The following PRKG1 variants were observed in gnomAD, a reference collection of about 807,000 sequenced individuals.
The protein encoded by PRKG1 is cGMP-dependent protein kinase 1.
A neutral mutation model predicts 88.1 loss-of-function variants in PRKG1; 35 were observed. The observed-to-expected ratio is 0.40, with a 90% CI of 0.30 to 0.53. The LOEUF is 0.53. PRKG1 is among the 20% of genes least tolerant of loss of function. The pLI is 0.59. For synonymous variants in PRKG1, 303 were observed against 292.5 expected, an observed-to-expected ratio of 1.04 and a Z score of -0.37; for missense variants, 540 against 839.8, an observed-to-expected ratio of 0.64 and a Z score of 4.41.
intron 3 of PRKG1, among the ~76,000 whole-genome samples, chr10:51,538,599 A>G (rs1842222957): frequency 6.6e-6 from 1 of 151,188 alleles, no homozygotes; most frequent in Admixed American, 6.6e-5. Flanking sequence ...AATGTCTGAA[A>G]ATTCTACCAT....
intron 3 of PRKG1, among the ~76,000 whole-genome samples, chr10:51,756,562 T>G (rs926321507): frequency 2.7e-5 from 4 of 150,624 alleles, no homozygotes; most frequent in Admixed American, 6.6e-5. Context: ...ATGCCTGTAA[T>G]CCCAGCACTT....
At chr10:51,520,166 G>A (rs1284825842) in intron 3 of PRKG1, among the ~76,000 whole-genome samples, 1 of 151,512 alleles carries the variant, frequency 6.6e-6, no homozygotes, top group Non-Finnish European at 1.5e-5. Context: ...CAAGTCACTA[G>A]TGAGACACTG....
chr10:51,427,638 G>C (rs1838628518), intron 2 of PRKG1, among the ~76,000 whole-genome samples: 1 of 152,186 alleles, frequency 6.6e-6, no homozygotes, highest in South Asian at 2.1e-4. Context: ...GGACCTTGTT[G>C]CAAGAGCTGC....
intron 2 of PRKG1, among the ~76,000 whole-genome samples, chr10:51,374,093 A>AAAAAAAAATATATAT: frequency 4.1e-4 from 41 of 100,174 alleles, no homozygotes; most frequent in African/African-American, 1.3e-3. Flanking sequence ...AAAAAAAAAA[A>AAAAAAAAATATATAT]ATATATATAT....
chr10:52,124,626 G>A (rs1351757374), intron 7 of PRKG1, among the ~76,000 whole-genome samples: 2 of 151,510 alleles, frequency 1.3e-5, no homozygotes, highest in African/African-American at 4.8e-5. Context: ...TATAAGAATA[G>A]TTTTCTTTCT....
At chr10:51,932,375 A>G (rs1842712749) in intron 5 of PRKG1, among the ~76,000 whole-genome samples, 1 of 152,132 alleles carries the variant, frequency 6.6e-6, no homozygotes, top group African/African-American at 2.4e-5. Flanking sequence ...CATTTATTAA[A>G]TTATCTTTAT....
At chr10:51,966,498 A>G (rs1430125894) in intron 5 of PRKG1, among the ~76,000 whole-genome samples, 2 of 152,088 alleles carry the variant, frequency 1.3e-5, no homozygotes, top group African/African-American at 2.4e-5. Flanking sequence ...TCCTTACTTT[A>G]ACTGGCATTT....
intron 1 of PRKG1, among the ~76,000 whole-genome samples, chr10:51,104,196 T>C (rs1844759605): frequency 6.6e-6 from 1 of 152,144 alleles, no homozygotes; most frequent in African/African-American, 2.4e-5. Flanking sequence ...GCAATATAAA[T>C]ATGTTAGTCA....
chr10:52,170,656 C>T (rs1208817167), intron 9 of PRKG1, among the ~76,000 whole-genome samples: 1 of 152,176 alleles, frequency 6.6e-6, no homozygotes, highest in Non-Finnish European at 1.5e-5. Flanking sequence ...TATTTTACTT[C>T]TATTTCCGTA....
intron 17 of PRKG1, among the ~76,000 whole-genome samples, chr10:52,290,557 T>G (rs1842216592): frequency 6.6e-6 from 1 of 152,120 alleles, no homozygotes; most frequent in East Asian, 1.9e-4. Flanking sequence ...ATAAGTTAAT[T>G]TTTAGCATGG....
chr10:51,794,151 A>G (rs1306140522), intron 3 of PRKG1, among the ~76,000 whole-genome samples: 1 of 152,190 alleles, frequency 6.6e-6, no homozygotes, highest in Non-Finnish European at 1.5e-5. Flanking sequence ...GCAAGAGGAT[A>G]TAACAATTGT....
At chr10:51,277,030 C>A (rs2132190713) in intron 2 of PRKG1, among the ~76,000 whole-genome samples, 1 of 152,276 alleles carries the variant, frequency 6.6e-6, no homozygotes, top group African/African-American at 2.4e-5. Flanking sequence ...ACATGAAGTT[C>A]TTGCCCATGC....
intron 3 of PRKG1, among the ~76,000 whole-genome samples, chr10:51,481,483 A>G (rs1274361825): frequency 1.3e-5 from 2 of 152,146 alleles, no homozygotes; most frequent in African/African-American, 4.8e-5. Flanking sequence ...CCATGGCCTC[A>G]GATGATCCGC....
intron 5 of PRKG1, among the ~76,000 whole-genome samples, chr10:51,966,946 A>G (rs1287946597): frequency 3.3e-5 from 5 of 152,154 alleles, no homozygotes; most frequent in African/African-American, 1.2e-4. Context: ...AAAGGAACAC[A>G]TTTACACTGT....
intron 2 of PRKG1, among the ~76,000 whole-genome samples, chr10:51,227,151 T>C (rs1270672979): frequency 6.7e-6 from 1 of 149,976 alleles, no homozygotes; most frequent in South Asian, 2.1e-4. Context: ...TATAAATATA[T>C]ATGTTTTATA....
chr10:52,197,831 A>G (rs927807063), intron 9 of PRKG1, among the ~76,000 whole-genome samples: 1 of 152,202 alleles, frequency 6.6e-6, no homozygotes, highest in Non-Finnish European at 1.5e-5. Context: ...ATATTCATGG[A>G]TGAAATATAG....
chr10:51,226,969 G>A (rs540202193), intron 2 of PRKG1, among the ~76,000 whole-genome samples: 1 of 152,208 alleles, frequency 6.6e-6, no homozygotes, highest in African/African-American at 2.4e-5. Flanking sequence ...ACCACTTGGT[G>A]ACATTTTCCA....
At chr10:51,323,094 T>C (rs211076) in intron 2 of PRKG1, among the ~76,000 whole-genome samples, 11,091 of 152,178 alleles carry the variant, frequency 0.073, 612 homozygotes, top group African/African-American at 0.15. Context: ...AACAACAAAA[T>C]GAAGAAAAAT....
At chr10:51,235,250 T>C (rs1838953671) in intron 2 of PRKG1, among the ~76,000 whole-genome samples, 1 of 152,202 alleles carries the variant, frequency 6.6e-6, no homozygotes, top group Admixed American at 6.6e-5. Flanking sequence ...AGGCAGATAT[T>C]TGCTTACTTG....
Sources: gnomAD v4.1 joint callset for allele counts (sites outside exome capture counted in the v4.1 genomes callset) on GRCh38, gnomAD v4.1.1 for gene constraint, MANE v1.5 for transcripts, NCBI Gene and HGNC (gene_info 2026-07-23, HGNC 2026-07-21) for gene names.